Variants in DEK observed in about 807,000 individuals in gnomAD.
The protein encoded by DEK is DEK proto-oncogene.
Under a neutral mutation model 46.8 loss-of-function variants are expected in DEK, and 28 were observed. The ratio of observed to expected loss-of-function variants is 0.60; its 90% confidence interval spans 0.44 to 0.82. The LOEUF (loss-of-function observed/expected upper bound fraction) is 0.82, where lower values mean the gene tolerates loss of function less well. DEK is among the 40% of genes least tolerant of loss of function. The pLI is 0.00. For missense variants in DEK, 416 were observed against 430.6 expected, an observed-to-expected ratio of 0.97 and a Z score of 0.30; for synonymous variants, 160 against 144.5, an observed-to-expected ratio of 1.11 and a Z score of -0.77.
chr6:18,248,685 C>A (rs214526), intron 7 of DEK, among the ~76,000 whole-genome samples: 43,842 of 151,970 alleles, frequency 0.29, 8,352 homozygotes, highest in African/African-American at 0.54. Flanking sequence ...TACTAAACAC[C>A]CACACATATC....
At chr6:18,243,108 C>T (rs2151085175) in intron 7 of DEK, among the ~76,000 whole-genome samples, 1 of 152,248 alleles carries the variant, frequency 6.6e-6, no homozygotes, top group Non-Finnish European at 1.5e-5. Flanking sequence ...GAGGTGACTA[C>T]TGTGAAGAGA....
chr6:18,228,384 T>C (rs1228690449), intron 9 of DEK, among the ~76,000 whole-genome samples: 2 of 152,008 alleles, frequency 1.3e-5, no homozygotes, highest in Non-Finnish European at 2.9e-5. Context: ...TCTAATTGTT[T>C]GCCCCGGGAG....
chr6:18,229,415 C>T (rs145578678), intron 9 of DEK, among the ~76,000 whole-genome samples: 4,148 of 152,008 alleles, frequency 0.027, 92 homozygotes, highest in Middle Eastern at 0.054. Flanking sequence ...AGGCTTCAGA[C>T]GATCAAACTT....
chr6:18,245,472 G>C (rs1339804000), intron 7 of DEK, among the ~76,000 whole-genome samples: 1 of 151,320 alleles, frequency 6.6e-6, no homozygotes, highest in Non-Finnish European at 1.5e-5. Context: ...GCAACATTCA[G>C]ATAAATTCTA....
chr6:18,263,343 T>C (rs754999648), intron 2 of DEK, among the ~76,000 whole-genome samples: 26 of 152,204 alleles, frequency 1.7e-4, no homozygotes, highest in Non-Finnish European at 3.7e-4. Flanking sequence ...GGGAAACTTT[T>C]TGGTAAATGT....
At chr6:18,238,683 C>CAAAAAAAAAAAAA (rs201851628) in intron 7 of DEK, among the ~76,000 whole-genome samples, 1 of 91,828 alleles carries the variant, frequency 1.1e-5, no homozygotes, top group African/African-American at 4.7e-5. Flanking sequence ...GAGACTGTCT[C>CAAAAAAAAAAAAA]AAAAAAAAAA....
At chr6:18,264,222 T>TGCGC (rs1331131201) in intron 1 of DEK, 163 bp downstream of exon 1, 7 of 331,448 alleles carry the variant, frequency 2.1e-5, no homozygotes. Context: ...CTGCCCCGCG[T>TGCGC]GCGCGCGCGC....
Position 18,223,995 on chromosome 6 carries a change from T to C in DEK, c.*1724A>G, listed in dbSNP as rs1789995962. 6.5e-6 allele frequency: 1 copy of C among 153,622 alleles called. No individual in the cohort carries two copies. Among genetic ancestry groups the C allele is most frequent in the South Asian group, 2.1e-4 (1 of 4,844 alleles). The allele number at this position is 153,622 out of a possible 1,614,324, so 9.5% of individuals were successfully genotyped here. The stretch of plus-strand genomic sequence containing the variant: ...TTCTTTATAGCAAATGGTCATAAAA[T>C]TAACCTTAATTATTCAGTTTTGTGA... On this transcript the variant is annotated 3_prime_UTR_variant, in exon 11 of 11. Coordinates refer to ENST00000652689, the MANE Select transcript of DEK (RefSeq NM_003472.4).
In DEK at chr6:18,255,896, C is replaced by T. The variant is rs763845826; in HGVS notation, c.453-45G>A. 1.5e-5 allele frequency: 23 copies of T among 1,569,668 alleles called. No homozygotes were observed. In the South Asian group the frequency reaches 2.4e-4, roughly 16 times the overall value. ...AAACCAAGGTGTTAATATAGGAAAG[C>T]TTACATATGTTCTCCACAATATAAA... On this transcript the variant is annotated intron_variant, in intron 5 of 10. Coordinates refer to ENST00000652689, the MANE Select transcript of DEK (RefSeq NM_003472.4).
At chr6:18,229,048 G>A (rs558425661) in intron 9 of DEK, among the ~76,000 whole-genome samples, 4 of 152,218 alleles carry the variant, frequency 2.6e-5, no homozygotes, top group South Asian at 2.1e-4. Context: ...ACTCTGAGAC[G>A]AAGCTTCCAG....
rs576569045 is a variant in DEK at position 18,224,422 on chromosome 6, G to C, written c.*1297C>G. 3 of 191,160 alleles carry C rather than the reference G, an allele frequency of 1.6e-5. No homozygotes were observed. The highest frequency in any genetic ancestry group is 7.0e-5 in the African/African-American group (3 of 42,996). The allele number at this position is 191,160 out of a possible 1,614,324, so 11.8% of individuals were successfully genotyped here. On this transcript the variant is annotated 3_prime_UTR_variant, in exon 11 of 11. Coordinates refer to ENST00000652689, the MANE Select transcript of DEK (RefSeq NM_003472.4). ...AACACTTAATTGGTGCAACAAATGTGTCATTGTGTCATAAACAGCATGTTT... is the reference window on the plus strand; with the variant it reads ...AACACTTAATTGGTGCAACAAATGTCTCATTGTGTCATAAACAGCATGTTT...
intron 9 of DEK, among the ~76,000 whole-genome samples, chr6:18,232,097 G>A (rs1471243353): frequency 5.9e-5 from 9 of 152,130 alleles, no homozygotes; most frequent in Admixed American, 5.9e-4. Context: ...CATATAAACA[G>A]AACCAAAGAC....
Position 18,263,841 on chromosome 6 carries a change from A to G in DEK, c.145+2T>C. On this transcript the variant is annotated splice_donor_variant, in intron 2 of 10. Transcript: ENST00000652689. LOFTEE classifies it high-confidence loss of function. The stretch of plus-strand genomic sequence containing the variant: ...CATCAGTTGGGATGCGACTCCCCCC[A>G]CCTTTTTCCTCCTCCTCCTCCTCCT... The G allele has an allele frequency of 6.2e-7, 1 of 1,611,026 alleles. No individual in the cohort carries two copies. Among genetic ancestry groups the G allele is most frequent in the Non-Finnish European group, 8.5e-7 (1 of 1,178,598 alleles).
chr6:18,248,280 C>T (rs1167367281), intron 7 of DEK, among the ~76,000 whole-genome samples: 2 of 152,128 alleles, frequency 1.3e-5, no homozygotes, highest in African/African-American at 2.4e-5. Context: ...CCCATGCTAA[C>T]GTCTCTATGA....
At chr6:18,244,534 T>C in intron 7 of DEK, 3 of 1,289,100 alleles carry the variant, frequency 2.3e-6, no homozygotes, top group Non-Finnish European at 3.0e-6. Flanking sequence ...GCAGGGCTCT[T>C]GAAGGAGGGT....
intron 7 of DEK, among the ~76,000 whole-genome samples, chr6:18,246,227 A>G (rs1306112056): frequency 1.3e-5 from 2 of 152,202 alleles, no homozygotes; most frequent in African/African-American, 4.8e-5. Context: ...CCTATTTCTC[A>G]TCAAAAGAAA....
At chr6:18,227,315 A>C (rs214502) in intron 9 of DEK, among the ~76,000 whole-genome samples, 75,828 of 152,014 alleles carry the variant, frequency 0.5, 19,589 homozygotes, top group African/African-American at 0.64. Context: ...TAGGGGAAAA[A>C]CGCCTTAGGG....
intron 7 of DEK, among the ~76,000 whole-genome samples, chr6:18,239,306 G>A (rs1429865646): frequency 6.8e-6 from 1 of 148,132 alleles, no homozygotes; most frequent in Non-Finnish European, 1.5e-5. Context: ...TGTTCCAAAA[G>A]TGGCCTCAAG....
rs1296732402 is a variant in DEK, at chr6:18,264,499, C to G, written c.-124G>C. On this transcript the variant is annotated 5_prime_UTR_variant, in exon 1 of 11. Transcript: ENST00000652689. Reference sequence around the variant, plus strand: ...GGGCCGCTGTCTGGCGTGACGCTCGCGCCGCGCGCTCGGCTCCCCAGAATC... The same window carrying G: ...GGGCCGCTGTCTGGCGTGACGCTCGGGCCGCGCGCTCGGCTCCCCAGAATC... The G allele has an allele frequency of 4.0e-6, 1 of 249,352 alleles. No individual in the cohort carries two copies. The highest frequency in any genetic ancestry group is 8.0e-6 in the Non-Finnish European group (1 of 124,470). 15.4% of individuals were successfully genotyped at this position (249,352 alleles called of 1,614,324 possible). A position where few individuals can be genotyped will look rare whatever the true frequency, so the allele number is the denominator to read the frequency against.
Sources: allele counts gnomAD v4.1 joint callset (sites outside exome capture counted in the v4.1 genomes callset), GRCh38; gene constraint gnomAD v4.1.1; transcripts MANE v1.5; gene names NCBI Gene and HGNC (gene_info 2026-07-23, HGNC 2026-07-21).